LEMD3: variants seen among roughly 807,000 people sequenced by gnomAD.
LEMD3 encodes LEM domain containing 3, also known as inner nuclear membrane protein Man1.
LEMD3 carries 33 observed loss-of-function variants against 95.2 expected under a neutral mutation model. The ratio of observed to expected loss-of-function variants is 0.35; its 90% CI spans 0.26 to 0.46. The LOEUF is 0.46. Ranked by LOEUF, LEMD3 falls within the 20% of genes least tolerant of loss-of-function variation. The pLI is 1.00. For synonymous variants in LEMD3, 525 were observed against 474.6 expected (o/e 1.11, Z -1.38); for missense variants, 1,210 against 1,192.8 (o/e 1.01, Z -0.21).
chr12:65,238,290 A>C (rs959606695), intron 4 of LEMD3, among the ~76,000 whole-genome samples: 1 of 152,156 alleles, frequency 6.6e-6, no homozygotes, highest in African/African-American at 2.4e-5. Context: ...AAAATATAAA[A>C]AAGCAAAATA....
At chr12:65,209,843 C>G (rs1189271749) in intron 1 of LEMD3, among the ~76,000 whole-genome samples, 1 of 151,866 alleles carries the variant, frequency 6.6e-6, no homozygotes, top group Non-Finnish European at 1.5e-5. Flanking sequence ...TATGGGACTT[C>G]CTGTTTTCTC....
At chr12:65,193,948 G>A (rs895754376) in intron 1 of LEMD3, among the ~76,000 whole-genome samples, 3 of 152,066 alleles carry the variant, frequency 2.0e-5, no homozygotes, top group Non-Finnish European at 4.4e-5. Flanking sequence ...ACTAGTAAAA[G>A]CAGGTAAAAT....
Position 65,227,861 on chromosome 12 carries a change from GA to G in LEMD3, c.1695+9253del, listed in dbSNP as rs1206413098. ...CACTCCTGGTTTAGGGTATAATAAG[GA>G]AAAAAAAAAAGACTGTACAAATTTA... On this transcript the variant is annotated intron_variant, in intron 4 of 12. Coordinates refer to ENST00000308330, the MANE Select transcript of LEMD3 (RefSeq NM_014319.5). Among the ~76,000 whole-genome samples the G allele has an allele frequency of 2.5e-3, 350 of 138,046 alleles. 1 individual carries two copies. The highest frequency in any genetic ancestry group is 0.015 in the Middle Eastern group (4 of 262). 90.6% of individuals were successfully genotyped at this position (138,046 alleles called of 152,430 possible).
intron 4 of LEMD3, among the ~76,000 whole-genome samples, chr12:65,228,064 C>T (rs1870509609): frequency 6.6e-6 from 1 of 152,014 alleles, no homozygotes; most frequent in Admixed American, 6.6e-5. Context: ...AGGACCTGAC[C>T]AGTAATTAAG....
Position 65,219,425 on chromosome 12 carries a change from C to T in LEMD3, c.1695+806C>T, listed in dbSNP as rs115398226. Among the ~76,000 whole-genome samples the T allele has an allele frequency of 5.5e-3, 833 of 152,244 alleles. 11 individuals carry two copies. Among genetic ancestry groups the T allele is most frequent in the African/African-American group, 0.019 (782 of 41,534 alleles). Reference sequence around the variant, plus strand: ...AAAACCATACAGGAAAGCTTGTTGTCGGTCCAGTTCCATAAAGATAATTTC... The same window carrying T: ...AAAACCATACAGGAAAGCTTGTTGTTGGTCCAGTTCCATAAAGATAATTTC... On this transcript the variant is annotated intron_variant, in intron 4 of 12. Transcript: ENST00000308330.
chr12:65,171,307 T>C, intron 1 of LEMD3, 189 bp downstream of exon 1: 1 of 972,550 alleles, frequency 1.0e-6, no homozygotes, highest in East Asian at 2.8e-5. Context: ...ATATGGCTGG[T>C]TTTAAAAGTT....
At chr12:65,225,140 C>T (rs1456651145) in intron 4 of LEMD3, among the ~76,000 whole-genome samples, 1 of 152,054 alleles carries the variant, frequency 6.6e-6, no homozygotes, top group Non-Finnish European at 1.5e-5. Context: ...CATTGTTTTC[C>T]TGATCTTGTT....
At chr12:65,237,116 T>C (rs551447858) in intron 4 of LEMD3, among the ~76,000 whole-genome samples, 1 of 152,176 alleles carries the variant, frequency 6.6e-6, no homozygotes, top group East Asian at 1.9e-4. Flanking sequence ...AAATTAAAAC[T>C]GAAAAAAATT....
At chr12:65,209,479 CG>C (rs1347144797) in intron 1 of LEMD3, among the ~76,000 whole-genome samples, 12 of 151,830 alleles carry the variant, frequency 7.9e-5, no homozygotes, top group Admixed American at 7.2e-4. Flanking sequence ...TTTGGTAGTA[CG>C]TTGAGCTAAA....
chr12:65,180,486 A>G (rs1296013713), intron 1 of LEMD3, among the ~76,000 whole-genome samples: 1 of 151,850 alleles, frequency 6.6e-6, no homozygotes, highest in Non-Finnish European at 1.5e-5. Context: ...TATTTAAAAA[A>G]TATATTTCTT....
chr12:65,223,020 C>A (rs759428414), intron 4 of LEMD3, among the ~76,000 whole-genome samples: 9 of 151,918 alleles, frequency 5.9e-5, no homozygotes, highest in Admixed American at 2.6e-4. Flanking sequence ...TGATTTCGGT[C>A]GTCTTTAATG....
intron 1 of LEMD3, among the ~76,000 whole-genome samples, chr12:65,172,616 G>A (rs1868587871): frequency 6.6e-6 from 1 of 152,006 alleles, no homozygotes; most frequent in African/African-American, 2.4e-5. Context: ...AAAAATAAGG[G>A]CACACTAGAA....
chr12:65,192,043 A>T (rs370240930), intron 1 of LEMD3, among the ~76,000 whole-genome samples: 1 of 151,952 alleles, frequency 6.6e-6, no homozygotes, highest in East Asian at 1.9e-4. Context: ...ACTTGAAGTA[A>T]TACCTACTGA....
At chr12:65,234,101 T>G (rs537285570) in intron 4 of LEMD3, among the ~76,000 whole-genome samples, 1 of 152,352 alleles carries the variant, frequency 6.6e-6, no homozygotes, top group South Asian at 2.1e-4. Context: ...TTGGAAAATG[T>G]TTGTTTTATG....
intron 1 of LEMD3, among the ~76,000 whole-genome samples, chr12:65,180,066 T>C (rs1868854056): frequency 6.6e-6 from 1 of 152,064 alleles, no homozygotes; most frequent in Non-Finnish European, 1.5e-5. Flanking sequence ...TGCCTCCACC[T>C]CCCAAGTATC....
Position 65,170,661 on chromosome 12 carries a change from T to C in LEMD3, c.1065T>C (p.Pro355=). 6.2e-7 allele frequency: 1 copy of C among 1,614,158 alleles called. No homozygotes were observed. Residue 355 remains proline (P), a synonymous_variant, in exon 1 of 13, where the codon CCT becomes CCC. Transcript: ENST00000308330. ...GCDQVDSSPV[P]RYRVNAKKLT... ...ATCAAGTGGACTCCAGCCCCGTTCCTAGATACCGTGTTAACGCTAAGAAAC... is the reference window on the plus strand; with the variant it reads ...ATCAAGTGGACTCCAGCCCCGTTCCCAGATACCGTGTTAACGCTAAGAAAC...
At chr12:65,217,838 A>G (rs575306562) in intron 3 of LEMD3, among the ~76,000 whole-genome samples, 111 of 152,194 alleles carry the variant, frequency 7.3e-4, no homozygotes, top group African/African-American at 2.5e-3. Context: ...GATTTTTTTG[A>G]GACAGGATCT....
At chr12:65,233,410 T>C (rs983970266) in intron 4 of LEMD3, among the ~76,000 whole-genome samples, 1 of 152,234 alleles carries the variant, frequency 6.6e-6, no homozygotes, top group African/African-American at 2.4e-5. Context: ...TAATCTGTAA[T>C]GGAGCCAGCA....
Position 65,188,169 on chromosome 12 carries a change from C to T in LEMD3, c.1522+17051C>T, listed in dbSNP as rs369963184. Among the ~76,000 whole-genome samples, 4 of 151,682 alleles carry T rather than the reference C, an allele frequency of 2.6e-5. No individual in the cohort carries two copies. In the East Asian group the frequency reaches 5.8e-4, roughly 22 times the overall value. On this transcript the variant is annotated intron_variant, in intron 1 of 12. Transcript: ENST00000308330. ...CTAAAAAAGGCCAGTTTTTTTTCCC[C>T]CTCCAGTATAGTATAAAGACTCTTT...
Sources: allele counts gnomAD v4.1 joint callset (sites outside exome capture counted in the v4.1 genomes callset), GRCh38; gene constraint gnomAD v4.1.1; transcripts MANE v1.5; gene names NCBI Gene and HGNC (gene_info 2026-07-23, HGNC 2026-07-21).